The following ASB3 variants were observed in gnomAD, a reference collection of about 807,000 sequenced individuals.
ASB3 encodes ankyrin repeat and SOCS box protein 3.
In ASB3, 41 loss-of-function variants were observed where a neutral mutation model predicts 54.5. The ratio of observed to expected loss-of-function variants is 0.75; its 90% CI spans 0.59 to 0.98. The LOEUF (loss-of-function observed/expected upper bound fraction) is 0.98. ASB3 is among the 50% of genes least tolerant of loss of function. ASB3 has a pLI of 0.00. For missense variants in ASB3, 733 were observed against 620.0 expected, an observed-to-expected ratio of 1.18 and a Z score of -1.94; for synonymous variants, 266 against 221.2, an observed-to-expected ratio of 1.20 and a Z score of -1.80.
chr2:53,712,956 A>T (rs1168797069), intron 7 of ASB3, among the ~76,000 whole-genome samples: 1 of 152,232 alleles, frequency 6.6e-6, no homozygotes, highest in Non-Finnish European at 1.5e-5. Context: ...GGGGTACACA[A>T]GAAAATCCTA....
At chr2:53,688,497 A>G (rs532753627) in intron 9 of ASB3, among the ~76,000 whole-genome samples, 1 of 152,360 alleles carries the variant, frequency 6.6e-6, no homozygotes, top group South Asian at 2.1e-4. Context: ...CAGGGAAGAT[A>G]AAAATGAAAC....
intron 3 of ASB3, among the ~76,000 whole-genome samples, chr2:53,740,899 CGT>C (rs1222575773): frequency 6.6e-6 from 1 of 152,098 alleles, no homozygotes; most frequent in African/African-American, 2.4e-5. Context: ...TTTATTTTTC[CGT>C]ATGTCTCCCC....
chr2:53,690,153 T>C (rs911148974), intron 9 of ASB3, among the ~76,000 whole-genome samples: 2 of 152,056 alleles, frequency 1.3e-5, no homozygotes, highest in Non-Finnish European at 2.9e-5. Context: ...GGAAGATTGC[T>C]TGAGCCCAGG....
chr2:53,698,701 A>T lies in ASB3; in HGVS notation c.1238+1570T>A, dbSNP rs559692702. 3.3e-5 allele frequency among the ~76,000 whole-genome samples: 5 copies of T among 152,326 alleles called. No homozygotes were observed. In the South Asian group the frequency reaches 1.0e-3, roughly 32 times the overall value. ...ACAGGGTATTGCTAATTGTCATCTG[A>T]GACCTTGTCATAATGGCCTTTGCTA... On this transcript the variant is annotated intron_variant, in intron 8 of 9. Coordinates refer to ENST00000263634, the MANE Select transcript of ASB3 (RefSeq NM_016115.5).
chr2:53,772,491 A>G (rs1674012934), intron 1 of ASB3, among the ~76,000 whole-genome samples: 2 of 152,150 alleles, frequency 1.3e-5, no homozygotes, highest in African/African-American at 4.8e-5. Flanking sequence ...TTTTTTAAAA[A>G]CAAGTTTATT....
chr2:53,725,460 TA>T (rs1273366671), intron 5 of ASB3, among the ~76,000 whole-genome samples: 5 of 152,150 alleles, frequency 3.3e-5, no homozygotes. Context: ...TTATAAAAAA[TA>T]AAATAAAATC....
At position 53,686,593 on chromosome 2, in the gene ASB3, A is replaced by G. The variant is rs79386578; in HGVS notation, c.1369+7291T>C. On this transcript the variant is annotated intron_variant, in intron 9 of 9. Transcript: ENST00000263634. Reference sequence around the variant, plus strand: ...AGTAAATATCCTACAGTGAATAAATAAAGTAGTTATGTGGAAAGAGTGGGA... The same window carrying G: ...AGTAAATATCCTACAGTGAATAAATGAAGTAGTTATGTGGAAAGAGTGGGA... 8.2e-3 allele frequency among the ~76,000 whole-genome samples: 1,242 copies of G among 152,304 alleles called. 13 individuals carry two copies. The highest frequency in any genetic ancestry group is 0.028 in the African/African-American group (1,181 of 41,556).
chr2:53,721,371 T>C (rs1347007928), intron 5 of ASB3, among the ~76,000 whole-genome samples: 1 of 131,570 alleles, frequency 7.6e-6, no homozygotes, highest in African/African-American at 2.9e-5. Context: ...CCTGGAAATG[T>C]GGTGAAACCC....
At position 53,699,057 on chromosome 2, in the gene ASB3, C is replaced by T. The variant is rs989006613; in HGVS notation, c.1238+1214G>A. On this transcript the variant is annotated intron_variant, in intron 8 of 9. Transcript: ENST00000263634. Reference sequence around the variant, plus strand: ...ATAAAGAAAGTACATTTATTTCTTACAGTTCTGGAGACTGGGAAGTCCAAA... The same window carrying T: ...ATAAAGAAAGTACATTTATTTCTTATAGTTCTGGAGACTGGGAAGTCCAAA... 3.9e-5 allele frequency among the ~76,000 whole-genome samples: 6 copies of T among 152,304 alleles called. No individual in the cohort carries two copies. In the South Asian group the frequency reaches 1.2e-3, roughly 32 times the overall value.
At chr2:53,758,673 G>T (rs1435144671) in intron 2 of ASB3, among the ~76,000 whole-genome samples, 1 of 152,212 alleles carries the variant, frequency 6.6e-6, no homozygotes, top group African/African-American at 2.4e-5. Flanking sequence ...TGCTACATTG[G>T]TGAGTGTAAC....
At chr2:53,784,284 G>C (rs1450214920) in intron 1 of ASB3, among the ~76,000 whole-genome samples, 1 of 152,178 alleles carries the variant, frequency 6.6e-6, no homozygotes, top group African/African-American at 2.4e-5. Flanking sequence ...TAAAACCCAA[G>C]TGTAGCCCGA....
intron 8 of ASB3, among the ~76,000 whole-genome samples, chr2:53,697,829 G>A (rs184614200): frequency 5.9e-4 from 90 of 152,276 alleles, no homozygotes; most frequent in African/African-American, 2.0e-3. Flanking sequence ...CACTACCTCA[G>A]GAAGCTCCAC....
Position 53,768,174 on chromosome 2 carries a change from C to G in ASB3, c.-13-2589G>C, listed in dbSNP as rs139183420. 1,948 of 877,690 alleles carry G rather than the reference C, an allele frequency of 2.2e-3. 16 individuals are homozygous for G. The highest frequency in any genetic ancestry group is 0.012 in the South Asian group (627 of 51,322). The allele number at this position is 877,690 out of a possible 1,614,324, so 54.4% of individuals were successfully genotyped here. On this transcript the variant is annotated intron_variant, in intron 1 of 9. Coordinates refer to ENST00000263634, the MANE Select transcript of ASB3 (RefSeq NM_016115.5). The stretch of plus-strand genomic sequence containing the variant: ...TAACATTTCTGTAGATTTTCCCTGC[C>G]ACCTGCCCGCCATCTCTAACCCAGC...
chr2:53,766,472 C>T (rs555874826), intron 1 of ASB3, among the ~76,000 whole-genome samples: 2 of 152,222 alleles, frequency 1.3e-5, no homozygotes, highest in East Asian at 1.9e-4. Flanking sequence ...TAGGAGAATG[C>T]CCTTATTCTT....
intron 8 of ASB3, among the ~76,000 whole-genome samples, chr2:53,698,085 G>T (rs930472855): frequency 1.3e-5 from 2 of 152,172 alleles, no homozygotes; most frequent in African/African-American, 4.8e-5. Flanking sequence ...CCTGGGACAG[G>T]TCTCTTGCCT....
intron 7 of ASB3, among the ~76,000 whole-genome samples, chr2:53,705,724 G>A (rs1309833713): frequency 6.6e-6 from 1 of 152,080 alleles, no homozygotes; most frequent in Non-Finnish European, 1.5e-5. Flanking sequence ...TGTTGATACT[G>A]TCCCTTCGTT....
At chr2:53,708,480 C>T (rs1406965438) in intron 7 of ASB3, among the ~76,000 whole-genome samples, 4 of 152,116 alleles carry the variant, frequency 2.6e-5, no homozygotes, top group Admixed American at 2.0e-4. Flanking sequence ...AAAATTGGCA[C>T]TGAAGAGTGG....
At chr2:53,744,957 C>CA (rs1019776857) in intron 3 of ASB3, among the ~76,000 whole-genome samples, 2 of 152,098 alleles carry the variant, frequency 1.3e-5, no homozygotes, top group Non-Finnish European at 2.9e-5. Context: ...CTCAGAAAAA[C>CA]AAAAAATGAA....
At chr2:53,720,604 C>T (rs1670651016) in intron 5 of ASB3, among the ~76,000 whole-genome samples, 1 of 152,144 alleles carries the variant, frequency 6.6e-6, no homozygotes, top group African/African-American at 2.4e-5. Context: ...AAAACAAGCT[C>T]TTAGAGATCT....
Sources: allele counts gnomAD v4.1 joint callset (sites outside exome capture counted in the v4.1 genomes callset), GRCh38; gene constraint gnomAD v4.1.1; transcripts MANE v1.5; gene names NCBI Gene and HGNC (gene_info 2026-07-23, HGNC 2026-07-21).